The following MMP27 variants were observed in gnomAD, a reference collection of about 807,000 sequenced individuals.
MMP27 encodes the protein matrix metallopeptidase 27.
MMP27 carries 51 observed loss-of-function variants against 48.1 expected under a neutral mutation model. The ratio of observed to expected loss-of-function variants is 1.06; its 90% CI spans 0.85 to 1.34. The LOEUF (loss-of-function observed/expected upper bound fraction) is 1.34. Among genes scored for constraint, MMP27 ranks in the 40% most tolerant of loss-of-function variants. The probability of loss-of-function intolerance (pLI) is 0.00; values close to 1 mark genes in which losing one functional copy is unlikely to be tolerated. For missense variants in MMP27, 698 were observed against 619.3 expected (o/e 1.13, Z -1.35); for synonymous variants, 229 against 208.9 (o/e 1.10, Z -0.83).
chr11:102,691,985 T>C lies in MMP27; in HGVS notation c.1323A>G (p.Ser441=), dbSNP rs764716623. The C allele has an allele frequency of 6.2e-7, 1 of 1,608,064 alleles. No individual in the cohort carries two copies. Among genetic ancestry groups the C allele is most frequent in the Non-Finnish European group, 8.5e-7 (1 of 1,176,698 alleles). The stretch of plus-strand genomic sequence containing the variant: ...TCTTAATGTCGTATTCAAATTGCTT[T>C]GATCCACGGCTGAAAAAGAAGAATC... The part of the protein sequence containing the change: ...YKGFFFFSRG[S]KQFEYDIKTK... Residue 441 remains serine (S), a synonymous_variant, in exon 10 of 10, where the codon TCA becomes TCG. Transcript: ENST00000260229.
At chr11:102,702,050 G>A (rs558917511) in intron 4 of MMP27, among the ~76,000 whole-genome samples, 1 of 152,146 alleles carries the variant, frequency 6.6e-6, no homozygotes. Context: ...TTTTCTTTGA[G>A]GCCTACATTG....
At chr11:102,704,897 A>G (rs1317183545) in intron 1 of MMP27, 122 bp from the exon 2 acceptor site, 18 of 623,930 alleles carry the variant, frequency 2.9e-5, no homozygotes, top group Non-Finnish European at 5.0e-5. Context: ...GAAAAAAAAG[A>G]AGTAATGAGA....
intron 9 of MMP27, 73 bp downstream of exon 9, chr11:102,692,865 G>T: frequency 7.8e-7 from 1 of 1,281,610 alleles, no homozygotes; most frequent in Non-Finnish European, 1.1e-6. Flanking sequence ...AAGCATTTAA[G>T]TTTTTGTGCT....
At chr11:102,697,551 G>A (rs1300943185) in intron 4 of MMP27, among the ~76,000 whole-genome samples, 2 of 151,988 alleles carry the variant, frequency 1.3e-5, no homozygotes, top group Non-Finnish European at 2.9e-5. Flanking sequence ...CTGTTGCCCA[G>A]GCTGGAGTGG....
At chr11:102,697,617 T>A (rs1488738353) in intron 4 of MMP27, among the ~76,000 whole-genome samples, 2 of 152,092 alleles carry the variant, frequency 1.3e-5, no homozygotes, top group African/African-American at 4.8e-5. Flanking sequence ...TCCTCCTCCC[T>A]CAGCCTCCTG....
At chr11:102,692,830 G>C in intron 9 of MMP27, 108 bp downstream of exon 9, 2 of 816,144 alleles carry the variant, frequency 2.5e-6, no homozygotes, top group Non-Finnish European at 2.0e-6. Context: ...ATATACTTAA[G>C]AGTAGCAAAA....
chr11:102,703,190 AC>A, intron 2 of MMP27, 72 bp from the exon 3 acceptor site: 1 of 1,397,340 alleles, frequency 7.2e-7, no homozygotes, highest in Non-Finnish European at 9.7e-7. Flanking sequence ...ACTACAAAAA[AC>A]ATTTCTAGCT....
intron 2 of MMP27, among the ~76,000 whole-genome samples, chr11:102,703,760 G>A (rs1357698591): frequency 6.6e-6 from 1 of 152,140 alleles, no homozygotes; most frequent in Non-Finnish European, 1.5e-5. Context: ...CTGAACTCAG[G>A]TGATCCGTCT....
At chr11:102,698,324 G>A (rs774529680) in intron 4 of MMP27, among the ~76,000 whole-genome samples, 9 of 151,984 alleles carry the variant, frequency 5.9e-5, no homozygotes, top group Non-Finnish European at 7.4e-5. Context: ...CATCATAATC[G>A]AATGGGACCA....
At chr11:102,705,366 A>C (rs1387503156) in intron 1 of MMP27, among the ~76,000 whole-genome samples, 1 of 152,046 alleles carries the variant, frequency 6.6e-6, no homozygotes, top group East Asian at 1.9e-4. Flanking sequence ...TTCTCCTCGC[A>C]CTAAACATCC....
At chr11:102,694,110 G>C (rs769646764) in intron 7 of MMP27, 45 bp from the exon 8 acceptor site, 1 of 1,399,700 alleles carries the variant, frequency 7.1e-7, no homozygotes, top group Non-Finnish European at 9.5e-7. Context: ...GGGAGAAATA[G>C]GTATCTCAAG....
At chr11:102,695,744 T>C (rs928263387) in intron 6 of MMP27, among the ~76,000 whole-genome samples, 1 of 152,200 alleles carries the variant, frequency 6.6e-6, no homozygotes. Flanking sequence ...ATGGTGTATG[T>C]CTTGGTATTT....
At chr11:102,705,392 T>C (rs1481389771) in intron 1 of MMP27, among the ~76,000 whole-genome samples, 1 of 152,176 alleles carries the variant, frequency 6.6e-6, no homozygotes, top group Non-Finnish European at 1.5e-5. Context: ...TTTGTGACCA[T>C]TGCTAAAAGT....
At position 102,694,835 on chromosome 11, in the gene MMP27, C is replaced by T. The variant is rs530038454; in HGVS notation, c.1033+132G>A. 42 of 952,178 alleles carry T rather than the reference C, an allele frequency of 4.4e-5. No homozygotes were observed. In the Middle Eastern group the frequency reaches 3.1e-3, roughly 70 times the overall value. The allele number at this position is 952,178 out of a possible 1,614,324, so 59.0% of individuals were successfully genotyped here. ...TCCTGGTTATTTATATTCTTTACGA[C>T]AGGAACCTAAGATGAGAGCAAAAGC... is the stretch of plus-strand genomic sequence containing the variant. On this transcript the variant is annotated intron_variant, in intron 7 of 9. Coordinates refer to ENST00000260229, the MANE Select transcript of MMP27 (RefSeq NM_022122.3).
At chr11:102,697,240 C>T (rs1860848854) in intron 4 of MMP27, among the ~76,000 whole-genome samples, 1 of 152,168 alleles carries the variant, frequency 6.6e-6, no homozygotes, top group Admixed American at 6.5e-5. Context: ...TCTATCTAAA[C>T]ATATCTGAAC....
intron 4 of MMP27, among the ~76,000 whole-genome samples, chr11:102,697,802 C>T (rs1860859138): frequency 6.6e-6 from 1 of 152,174 alleles, no homozygotes; most frequent in Non-Finnish European, 1.5e-5. Context: ...CCATACCTGG[C>T]CTAAACTTTT....
rs964014999 is a variant in MMP27 at position 102,693,841 on chromosome 11, A to G, written c.1193+65T>C. The stretch of plus-strand genomic sequence containing the variant: ...ATTCATTTTAATTTTGTCTGTGTCA[A>G]AGTGATGCTATTGTGAATATTTTTC... On this transcript the variant is annotated intron_variant, in intron 8 of 9. Coordinates refer to ENST00000260229, the MANE Select transcript of MMP27 (RefSeq NM_022122.3). The G allele has an allele frequency of 3.7e-6, 5 of 1,336,734 alleles. No homozygotes were observed. The African/African-American group carries it at 6.0e-5, about 16-fold the overall frequency. The allele number at this position is 1,336,734 out of a possible 1,614,324, so 82.8% of individuals were successfully genotyped here.
intron 1 of MMP27, 24 bp from the exon 2 acceptor site, chr11:102,704,799 A>G: frequency 6.7e-7 from 1 of 1,495,036 alleles, no homozygotes; most frequent in Non-Finnish European, 9.2e-7. Context: ...TAAGAAAAAA[A>G]AAAAAGAGGC....
chr11:102,702,646 G>A, intron 4 of MMP27, 107 bp downstream of exon 4: 1 of 1,277,452 alleles, frequency 7.8e-7, no homozygotes, highest in Non-Finnish European at 1.1e-6. Flanking sequence ...GGAAAATTGT[G>A]GGGACATTGG....
Sources: allele counts gnomAD v4.1 joint callset (sites outside exome capture counted in the v4.1 genomes callset), GRCh38; gene constraint gnomAD v4.1.1; transcripts MANE v1.5; gene names NCBI Gene and HGNC (gene_info 2026-07-23, HGNC 2026-07-21).